The following QRICH1 variants were observed in gnomAD, a reference collection of about 807,000 sequenced individuals.
QRICH1 encodes the protein transcriptional regulator QRICH1.
In QRICH1, 16 loss-of-function variants were observed where a neutral mutation model predicts 87.1. The ratio of observed to expected loss-of-function variants is 0.18; its 90% CI spans 0.12 to 0.28. The LOEUF is 0.28. QRICH1 is among the 10% of genes least tolerant of loss of function. The pLI is 1.00. For synonymous variants in QRICH1, 367 were observed against 368.4 expected (o/e 1.00, Z 0.05); for missense variants, 647 against 951.7 (o/e 0.68, Z 4.21).
chr3:49,048,871 T>C (rs910363106), intron 3 of QRICH1, among the ~76,000 whole-genome samples: 2 of 150,792 alleles, frequency 1.3e-5, no homozygotes, highest in East Asian at 2.0e-4. Flanking sequence ...TAGAGGCACA[T>C]TGTCAGTATT....
At chr3:49,065,437 C>T (rs994312781) in intron 2 of QRICH1, among the ~76,000 whole-genome samples, 4 of 152,288 alleles carry the variant, frequency 2.6e-5, no homozygotes, top group East Asian at 1.9e-4. Flanking sequence ...TAAGCCACTG[C>T]GCCTGACCCA....
chr3:49,069,865 G>A (rs752022941), intron 2 of QRICH1, among the ~76,000 whole-genome samples: 6 of 152,090 alleles, frequency 3.9e-5, no homozygotes, highest in Non-Finnish European at 8.8e-5. Flanking sequence ...TGAGCTGTAA[G>A]TATACATATG....
intron 3 of QRICH1, among the ~76,000 whole-genome samples, chr3:49,055,449 T>C (rs2093395599): frequency 6.6e-6 from 1 of 152,164 alleles, no homozygotes; most frequent in Admixed American, 6.6e-5. Flanking sequence ...GGCATGATCA[T>C]AGTAGCCTCA....
At chr3:49,078,358 C>CAATGTGGA (rs914890642) in intron 1 of QRICH1, among the ~76,000 whole-genome samples, 2 of 139,274 alleles carry the variant, frequency 1.4e-5, no homozygotes, top group African/African-American at 5.2e-5. Context: ...ATTTGAAATT[C>CAATGTGGA]AATGTGGAAA....
intron 1 of QRICH1, 101 bp from the exon 2 acceptor site, chr3:49,077,139 T>C (rs894936586): frequency 2.8e-5 from 19 of 687,306 alleles, no homozygotes; most frequent in Non-Finnish European, 3.4e-5. Flanking sequence ...AGGGCAGCTG[T>C]ATACATATAG....
intron 3 of QRICH1, among the ~76,000 whole-genome samples, chr3:49,052,531 A>C (rs567547488): frequency 3.3e-5 from 5 of 152,100 alleles, no homozygotes; most frequent in Admixed American, 6.5e-5. Flanking sequence ...TTTGAGATGG[A>C]GTTTCGCTCT....
intron 2 of QRICH1, 81 bp downstream of exon 2, chr3:49,076,628 G>C: frequency 3.2e-6 from 4 of 1,267,924 alleles, no homozygotes; most frequent in Non-Finnish European, 3.2e-6. Flanking sequence ...CATCCACATA[G>C]ATGTGATGAG....
At chr3:49,078,446 G>A (rs2041995087) in intron 1 of QRICH1, among the ~76,000 whole-genome samples, 1 of 132,176 alleles carries the variant, frequency 7.6e-6, no homozygotes, top group Non-Finnish European at 1.6e-5. Flanking sequence ...CCAGGCTGGA[G>A]TGCAGTGGCT....
At chr3:49,033,988 A>G (rs1358790400) in intron 6 of QRICH1, among the ~76,000 whole-genome samples, 1 of 151,462 alleles carries the variant, frequency 6.6e-6, no homozygotes, top group African/African-American at 2.4e-5. Flanking sequence ...CTCCCATCTC[A>G]AAAACAAAAA....
At chr3:49,053,665 GTAGA>G (rs2093385231) in intron 3 of QRICH1, among the ~76,000 whole-genome samples, 1 of 152,124 alleles carries the variant, frequency 6.6e-6, no homozygotes, top group South Asian at 2.1e-4. Context: ...CCCAGCTTGT[GTAGA>G]TAATGTTTCT....
intron 2 of QRICH1, among the ~76,000 whole-genome samples, chr3:49,068,435 G>GT (rs1166578014): frequency 1.3e-5 from 2 of 149,098 alleles, no homozygotes; most frequent in Admixed American, 1.4e-4. Context: ...TCCAGCCTGG[G>GT]TGACAGAGCA....
At chr3:49,070,478 T>G (rs995719872) in intron 2 of QRICH1, among the ~76,000 whole-genome samples, 9 of 152,216 alleles carry the variant, frequency 5.9e-5, no homozygotes, top group African/African-American at 2.2e-4. Context: ...CTTGCACTTT[T>G]GCCCAGGATG....
chr3:49,069,197 G>A (rs901682798), intron 2 of QRICH1, among the ~76,000 whole-genome samples: 11 of 148,820 alleles, frequency 7.4e-5, no homozygotes, highest in Non-Finnish European at 1.2e-4. Flanking sequence ...TCCGCCTCCC[G>A]GGTTCAAGCA....
intron 4 of QRICH1, 80 bp from the exon 5 acceptor site, chr3:49,046,659 G>A: frequency 1.4e-6 from 2 of 1,473,714 alleles, no homozygotes; most frequent in Non-Finnish European, 1.8e-6. Context: ...TGCCCATCAG[G>A]GTGCTGGGAT....
intron 3 of QRICH1, among the ~76,000 whole-genome samples, chr3:49,051,366 C>T (rs1559933918): frequency 6.6e-6 from 1 of 152,124 alleles, no homozygotes; most frequent in Admixed American, 6.6e-5. Flanking sequence ...TATCATCCTC[C>T]CGGACCTCCC....
At chr3:49,072,071 C>T (rs529253697) in intron 2 of QRICH1, among the ~76,000 whole-genome samples, 1 of 151,932 alleles carries the variant, frequency 6.6e-6, no homozygotes, top group East Asian at 2.0e-4. Context: ...TGGCTCATGC[C>T]TACAATCCCA....
At chr3:49,089,368 A>G (rs1031330573) in intron 1 of QRICH1, among the ~76,000 whole-genome samples, 1 of 152,098 alleles carries the variant, frequency 6.6e-6, no homozygotes, top group East Asian at 1.9e-4. Flanking sequence ...CCATGGTTCT[A>G]TTTTCAATCA....
intron 3 of QRICH1, among the ~76,000 whole-genome samples, chr3:49,055,298 A>T (rs947501839): frequency 6.6e-6 from 1 of 152,120 alleles, no homozygotes; most frequent in African/African-American, 2.4e-5. Context: ...CATGCTCAGG[A>T]GCCTATGCCC....
At chr3:49,046,681 C>T in intron 4 of QRICH1, 102 bp from the exon 5 acceptor site, 2 of 1,238,056 alleles carry the variant, frequency 1.6e-6, no homozygotes, top group South Asian at 1.5e-5. Flanking sequence ...GAAATGCTCA[C>T]TTGTATCTAC....
Sources: allele counts gnomAD v4.1 joint callset (sites outside exome capture counted in the v4.1 genomes callset), GRCh38; gene constraint gnomAD v4.1.1; transcripts MANE v1.5; gene names NCBI Gene and HGNC (gene_info 2026-07-23, HGNC 2026-07-21).